ANKRD28: variants seen among roughly 807,000 people sequenced by gnomAD.
ANKRD28 encodes the protein serine/threonine-protein phosphatase 6 regulatory ankyrin repeat subunit A.
Under a neutral mutation model 126.5 loss-of-function variants are expected in ANKRD28, and 44 were observed. The observed-to-expected ratio is 0.35, with a 90% CI of 0.27 to 0.45. The LOEUF (loss-of-function observed/expected upper bound fraction) is 0.45. ANKRD28 is among the 20% of genes least tolerant of loss of function. The probability of loss-of-function intolerance (pLI) is 1.00; values close to 1 mark genes in which losing one functional copy is unlikely to be tolerated. For synonymous variants in ANKRD28, 442 were observed against 468.5 expected (o/e 0.94, Z 0.73); for missense variants, 1,110 against 1,316.6 (o/e 0.84, Z 2.43).
At chr3:15,791,685 C>G (rs1285896642) in intron 2 of ANKRD28, among the ~76,000 whole-genome samples, 1 of 152,138 alleles carries the variant, frequency 6.6e-6, no homozygotes, top group East Asian at 1.9e-4. Context: ...GGACATTAGT[C>G]TGAGCAAATA....
At chr3:15,765,959 A>G (rs2058718078) in intron 3 of ANKRD28, among the ~76,000 whole-genome samples, 1 of 151,924 alleles carries the variant, frequency 6.6e-6, no homozygotes. Flanking sequence ...ATCATTTAAT[A>G]TACTATAAAA....
Position 15,812,318 on chromosome 3 carries a change from TTTTTAAATGA to T in ANKRD28, c.28-17022_28-17013del, listed in dbSNP as rs2060733152. Among the ~76,000 whole-genome samples the T allele has an allele frequency of 6.6e-6, 1 of 152,182 alleles. No individual in the cohort carries two copies. The highest frequency in any genetic ancestry group is 1.5e-5 in the Non-Finnish European group (1 of 68,034). Reference sequence around the variant, plus strand: ...ATACCATTATCTTAATTTCATTTGTTTTTTAAATGAATTTTCAAATGGTGCCCTTAGGTAA... The same window carrying T: ...ATACCATTATCTTAATTTCATTTGTTATTTTCAAATGGTGCCCTTAGGTAA... On this transcript the variant is annotated intron_variant, in intron 1 of 27. Transcript: ENST00000399451. The surrounding 1 kb of genome is among the most constrained non-coding windows in gnomAD (Gnocchi z 4.1).
chr3:15,797,569 A>G lies in ANKRD28; in HGVS notation c.-1048T>C, dbSNP rs572744824. 3,555 of 981,196 alleles carry G rather than the reference A, an allele frequency of 3.6e-3. 13 individuals carry two copies. Among genetic ancestry groups the G allele is most frequent in the South Asian group, 0.035 (748 of 21,142 alleles). 60.8% of individuals were successfully genotyped at this position (981,196 alleles called of 1,614,324 possible). A position where few individuals can be genotyped will look rare whatever the true frequency, so the allele number is the denominator to read the frequency against. ...CTTTTTGTTTTCTTTAAAAAAAAAA[A>G]GGGGGGGGAAAAACATAGTAGTGTA... On this transcript the variant is annotated 5_prime_UTR_variant, in exon 1 of 28. Transcript: ENST00000683139.
intron 2 of ANKRD28, among the ~76,000 whole-genome samples, chr3:15,787,105 T>C (rs1015202411): frequency 3.3e-5 from 5 of 152,186 alleles, no homozygotes; most frequent in African/African-American, 9.6e-5. Flanking sequence ...AAATAAATTA[T>C]AAAGAATGAG....
chr3:15,700,182 CAAG>C (rs983918080), intron 14 of ANKRD28, among the ~76,000 whole-genome samples: 20 of 152,158 alleles, frequency 1.3e-4, no homozygotes, highest in African/African-American at 4.8e-4. Context: ...GGGAGCTGAA[CAAG>C]GAGAACACAT....
intron 14 of ANKRD28, among the ~76,000 whole-genome samples, chr3:15,698,749 A>G (rs1455973517): frequency 1.3e-5 from 2 of 152,212 alleles, no homozygotes; most frequent in Non-Finnish European, 2.9e-5. Flanking sequence ...GAGGACATAA[A>G]CAAATGGAAG....
chr3:15,832,597 T>C (rs553805734), intron 1 of ANKRD28, among the ~76,000 whole-genome samples: 1 of 152,338 alleles, frequency 6.6e-6, no homozygotes, highest in South Asian at 2.1e-4. Context: ...CAGGTGATTT[T>C]TCAACCCTTG....
rs2125837908 is a variant in ANKRD28 at position 15,797,905 on chromosome 3, TC to T, written c.-1385del. The T allele has an allele frequency of 2.0e-6, 2 of 985,326 alleles. No individual in the cohort carries two copies. Among genetic ancestry groups the T allele is most frequent in the South Asian group, 4.7e-5 (1 of 21,276 alleles). 61.0% of individuals were successfully genotyped at this position (985,326 alleles called of 1,614,324 possible). Reference sequence around the variant, plus strand: ...CAGAAGCATTCCAACGGAGCAACAGTCTGAAGAGCAAAGACTGCAGACCCAC... The same window carrying T: ...CAGAAGCATTCCAACGGAGCAACAGTTGAAGAGCAAAGACTGCAGACCCAC... On this transcript the variant is annotated 5_prime_UTR_variant, in exon 1 of 28. Coordinates refer to ENST00000683139, the MANE Select transcript of ANKRD28 (RefSeq NM_001349278.2).
rs2066082959 is a variant in ANKRD28, at chr3:15,668,279, T to C, written c.*1991A>G. The C allele has an allele frequency of 6.6e-6, 1 of 151,970 alleles. No individual in the cohort carries two copies. 9.4% of individuals were successfully genotyped at this position (151,970 alleles called of 1,614,324 possible). ...TTTCAATTCTGAGATTCTAGAAAAT[T>C]CCCTCAGGGAATTCAGAAGAGAATT... On this transcript the variant is annotated 3_prime_UTR_variant, in exon 28 of 28. Coordinates refer to ENST00000683139, the MANE Select transcript of ANKRD28 (RefSeq NM_001349278.2).
At chr3:15,765,360 G>C (rs562731340) in intron 3 of ANKRD28, among the ~76,000 whole-genome samples, 21 of 152,206 alleles carry the variant, frequency 1.4e-4, no homozygotes, top group Non-Finnish European at 2.8e-4. Flanking sequence ...CTCAAGTAGG[G>C]TTAGATAAAA....
At chr3:15,678,122 T>G (rs1022893692) in intron 24 of ANKRD28, 87 bp downstream of exon 24, 1 of 1,294,674 alleles carries the variant, frequency 7.7e-7, no homozygotes, top group Non-Finnish European at 1.0e-6. Flanking sequence ...GTAAGATAAC[T>G]AGTTGAAGTC....
intron 2 of ANKRD28, 54 bp downstream of exon 2, chr3:15,795,169 A>C: frequency 8.2e-7 from 1 of 1,217,158 alleles, no homozygotes; most frequent in South Asian, 1.2e-5. Flanking sequence ...AATTCTAGGA[A>C]AGAATTTTAA....
chr3:15,772,015 A>G (rs1032242363), intron 2 of ANKRD28, among the ~76,000 whole-genome samples: 1 of 152,234 alleles, frequency 6.6e-6, no homozygotes, highest in Non-Finnish European at 1.5e-5. Flanking sequence ...CAAGAACATT[A>G]GAAAAGTATT....
At chr3:15,759,033 A>G (rs982840387) in intron 3 of ANKRD28, among the ~76,000 whole-genome samples, 2 of 152,212 alleles carry the variant, frequency 1.3e-5, no homozygotes, top group Admixed American at 1.3e-4. Context: ...TTAAGTGAAT[A>G]AGCTCCCAAA....
intron 2 of ANKRD28, among the ~76,000 whole-genome samples, chr3:15,774,863 A>G (rs2059181729): frequency 6.6e-6 from 1 of 152,148 alleles, no homozygotes; most frequent in South Asian, 2.1e-4. Flanking sequence ...AGTAGGCAGG[A>G]GATTTATTTA....
Position 15,850,190 on chromosome 3 carries a change from T to TTA in ANKRD28, c.27+9186_27+9187insTA, listed in dbSNP as rs1393900361. On this transcript the variant is annotated intron_variant, in intron 1 of 27. Transcript: ENST00000399451. ...GGGACAACTGGGTATCTACATGCAA[T>TTA]AAAAAAAAAAAAAAATATATATATA... is the stretch of plus-strand genomic sequence containing the variant. Among the ~76,000 whole-genome samples, 49 of 31,960 alleles carry TTA rather than the reference T, an allele frequency of 1.5e-3. 1 individual carries two copies. The highest frequency in any genetic ancestry group is 4.0e-3 in the African/African-American group (45 of 11,114). The allele number at this position is 31,960 out of a possible 152,430, so 21.0% of individuals were successfully genotyped here.
chr3:15,714,729 C>G (rs758279371), intron 8 of ANKRD28, 73 bp from the exon 9 acceptor site: 1 of 1,008,198 alleles, frequency 9.9e-7, no homozygotes, highest in Non-Finnish European at 1.4e-6. Context: ...ACTTTGAATA[C>G]CCTCTTGCAT....
intron 1 of ANKRD28, among the ~76,000 whole-genome samples, chr3:15,803,512 GA>G (rs2060507371): frequency 6.6e-6 from 1 of 151,582 alleles, no homozygotes; most frequent in African/African-American, 2.4e-5. Context: ...AGCTACTCAA[GA>G]GGCTGAGGCA....
rs1209699891 is a variant in ANKRD28 at position 15,713,113 on chromosome 3, T to C, written c.1190+414A>G. Among the ~76,000 whole-genome samples, 4 of 152,136 alleles carry C rather than the reference T, an allele frequency of 2.6e-5. No individual in the cohort carries two copies. In the East Asian group the frequency reaches 7.7e-4, roughly 29 times the overall value. On this transcript the variant is annotated intron_variant, in intron 10 of 27. Coordinates refer to ENST00000683139, the MANE Select transcript of ANKRD28 (RefSeq NM_001349278.2). ...AATGGGGGTGGGGGTAAGAACTCCT[T>C]CGTAGGATTCCAAGGAATCCCTGAG... is the stretch of plus-strand genomic sequence containing the variant.
Sources: allele counts gnomAD v4.1 joint callset (sites outside exome capture counted in the v4.1 genomes callset), GRCh38; gene constraint gnomAD v4.1.1; non-coding constraint Gnocchi (gnomAD v3.1); transcripts MANE v1.5; gene names NCBI Gene and HGNC (gene_info 2026-07-23, HGNC 2026-07-21).